The following TIMMDC1 variants were observed in gnomAD, a reference collection of about 807,000 sequenced individuals.
TIMMDC1 encodes translocase of inner mitochondrial membrane domain containing 1.
Under a neutral mutation model 32.6 loss-of-function variants are expected in TIMMDC1, and 25 were observed. The ratio of observed to expected loss-of-function variants is 0.77; its 90% CI spans 0.56 to 1.07. The LOEUF is 1.07. Ranked by LOEUF, TIMMDC1 falls within the 50% of genes least tolerant of loss-of-function variation. The probability of loss-of-function intolerance (pLI) is 0.00; values close to 1 mark genes in which losing one functional copy is unlikely to be tolerated. For synonymous variants in TIMMDC1, 130 were observed against 127.6 expected (o/e 1.02, Z -0.13); for missense variants, 329 against 349.2 (o/e 0.94, Z 0.46).
rs1486959202 is a variant in TIMMDC1, at chr3:119,516,290, T to A, written c.597-915T>A. Among the ~76,000 whole-genome samples, 5 of 95,490 alleles carry A rather than the reference T, an allele frequency of 5.2e-5. No individual in the cohort carries two copies. In the Admixed American group the frequency reaches 5.6e-4, roughly 11 times the overall value. 62.6% of individuals were successfully genotyped at this position (95,490 alleles called of 152,430 possible). A position where few individuals can be genotyped will look rare whatever the true frequency, so the allele number is the denominator to read the frequency against. On this transcript the variant is annotated intron_variant, in intron 5 of 6. Coordinates refer to ENST00000494664, the MANE Select transcript of TIMMDC1 (RefSeq NM_016589.4). ...GCCCTCAGCAAATATATTTCTACTT[T>A]CTGTTTCTAAGATTTTGACTACTTT...
chr3:119,524,880 T>C lies in TIMMDC1; in HGVS notation c.*1124T>C, dbSNP rs1454667737. ...GAGGCCCTATGGAAAGTTACTACCT[T>C]AGACATTTGAAGATAGCTTACTGCT... is the stretch of plus-strand genomic sequence containing the variant. On this transcript the variant is annotated 3_prime_UTR_variant, in exon 7 of 7. Transcript: ENST00000494664. 21 of 152,208 alleles carry C rather than the reference T, an allele frequency of 1.4e-4. No individual in the cohort carries two copies. Among genetic ancestry groups the C allele is most frequent in the Admixed American group, 1.4e-3 (21 of 15,276 alleles). The allele number at this position is 152,208 out of a possible 1,614,324, so 9.4% of individuals were successfully genotyped here.
At chr3:119,505,892 AAC>A (rs2081915855) in intron 4 of TIMMDC1, among the ~76,000 whole-genome samples, 4 of 152,294 alleles carry the variant, frequency 2.6e-5, no homozygotes, top group Admixed American at 1.3e-4. Context: ...CACATGGGAA[AAC>A]ACACAATTTG....
rs778072805 is a variant in TIMMDC1 at position 119,498,776 on chromosome 3, GC to G, written c.44del (p.Ala15AspfsTer14). Reference sequence around the variant, plus strand: ...GGCACCGCGGAGCTTTCTCTGTAGAGCATTGTGCCTATTTCCCCGAGTCTTT... The same window carrying G: ...GGCACCGCGGAGCTTTCTCTGTAGAGATTGTGCCTATTTCCCCGAGTCTTT... ...PPAPRSFLCRALCLFPRVFAA... is the reference protein window; with the variant it reads ...PPAPRSFLCRXLCLFPRVFAA... On this transcript the variant is annotated frameshift_variant, in exon 1 of 7. Transcript: ENST00000494664. LOFTEE classifies it high-confidence loss of function. The G allele has an allele frequency of 6.2e-7, 1 of 1,614,236 alleles. No individual in the cohort carries two copies. Among genetic ancestry groups the G allele is most frequent in the Non-Finnish European group, 8.5e-7 (1 of 1,180,036 alleles).
intron 4 of TIMMDC1, among the ~76,000 whole-genome samples, chr3:119,509,411 A>G (rs2081938855): frequency 6.6e-6 from 1 of 152,212 alleles, no homozygotes; most frequent in Admixed American, 6.5e-5. Context: ...TCACTTGAAT[A>G]TTTTCATCAG....
intron 1 of TIMMDC1, among the ~76,000 whole-genome samples, chr3:119,500,027 C>T (rs1415243447): frequency 6.6e-6 from 1 of 152,194 alleles, no homozygotes; most frequent in African/African-American, 2.4e-5. Flanking sequence ...CCTCAGCCTC[C>T]TAAGTTAGCT....
intron 6 of TIMMDC1, among the ~76,000 whole-genome samples, chr3:119,521,059 AAGTT>A (rs1323371388): frequency 1.3e-5 from 2 of 152,172 alleles, no homozygotes; most frequent in Non-Finnish European, 2.9e-5. Flanking sequence ...ACCTCCCAAA[AAGTT>A]AGGGGTAGAA....
At chr3:119,521,046 A>G (rs1409919174) in intron 6 of TIMMDC1, among the ~76,000 whole-genome samples, 1 of 152,212 alleles carries the variant, frequency 6.6e-6, no homozygotes, top group Non-Finnish European at 1.5e-5. Flanking sequence ...CCTTCATGGT[A>G]ACACCTCCCA....
At chr3:119,499,853 G>A (rs1239693624) in intron 1 of TIMMDC1, among the ~76,000 whole-genome samples, 4 of 152,204 alleles carry the variant, frequency 2.6e-5, no homozygotes, top group Admixed American at 2.0e-4. Context: ...GTAACAAATC[G>A]AATTAAATAG....
At position 119,524,546 on chromosome 3, in the gene TIMMDC1, A is replaced by G. The variant is rs2082052964; in HGVS notation, c.*790A>G. ...AGGAGCAAGGTTTGTGAAGCAGCAT[A>G]GTGAGGTAGCTAAAGCCATGGGCTG... On this transcript the variant is annotated 3_prime_UTR_variant, in exon 7 of 7. Transcript: ENST00000494664. 6.6e-6 allele frequency: 1 copy of G among 152,268 alleles called. No individual in the cohort carries two copies. Among genetic ancestry groups the G allele is most frequent in the South Asian group, 2.1e-4 (1 of 4,832 alleles). 9.4% of individuals were successfully genotyped at this position (152,268 alleles called of 1,614,324 possible).
At position 119,524,685 on chromosome 3, in the gene TIMMDC1, A is replaced by G. The variant is rs1215396375; in HGVS notation, c.*929A>G. Reference sequence around the variant, plus strand: ...CAGATTTTCAGATGATAATGTGATTATCCCAGCTTAAGTTGCGTCCACTTC... The same window carrying G: ...CAGATTTTCAGATGATAATGTGATTGTCCCAGCTTAAGTTGCGTCCACTTC... On this transcript the variant is annotated 3_prime_UTR_variant, in exon 7 of 7. Coordinates refer to ENST00000494664, the MANE Select transcript of TIMMDC1 (RefSeq NM_016589.4). 1 of 152,256 alleles carries G rather than the reference A, an allele frequency of 6.6e-6. No homozygotes were observed. The highest frequency in any genetic ancestry group is 1.5e-5 in the Non-Finnish European group (1 of 68,048). 9.4% of individuals were successfully genotyped at this position (152,256 alleles called of 1,614,324 possible). A position where few individuals can be genotyped will look rare whatever the true frequency, so the allele number is the denominator to read the frequency against.
chr3:119,500,591 A>G lies in TIMMDC1; in HGVS notation c.195-104A>G, dbSNP rs150783970. On this transcript the variant is annotated intron_variant, in intron 1 of 6. Coordinates refer to ENST00000494664, the MANE Select transcript of TIMMDC1 (RefSeq NM_016589.4). ...ATCTGAGAATTCTACCTATGATGAAAAATGTTGTGGTGGTAGCATTTGGGT... is the reference window on the plus strand; with the variant it reads ...ATCTGAGAATTCTACCTATGATGAAGAATGTTGTGGTGGTAGCATTTGGGT... 6.7e-4 allele frequency: 675 copies of G among 1,005,188 alleles called. 2 individuals carry two copies. In the African/African-American group the frequency reaches 7.8e-3, roughly 12 times the overall value. The allele number at this position is 1,005,188 out of a possible 1,614,324, so 62.3% of individuals were successfully genotyped here.
At chr3:119,509,945 A>G (rs2081942795) in intron 4 of TIMMDC1, among the ~76,000 whole-genome samples, 1 of 152,058 alleles carries the variant, frequency 6.6e-6, no homozygotes, top group African/African-American at 2.4e-5. Flanking sequence ...CGGCCTCCCA[A>G]AGTGCTGGGA....
chr3:119,512,857 C>A (rs2081963567), intron 4 of TIMMDC1, among the ~76,000 whole-genome samples: 1 of 152,172 alleles, frequency 6.6e-6, no homozygotes, highest in African/African-American at 2.4e-5. Context: ...TCTTGTGCCT[C>A]CGCCTCCTGA....
intron 1 of TIMMDC1, among the ~76,000 whole-genome samples, chr3:119,499,789 AG>A (rs1009270469): frequency 5.9e-5 from 9 of 152,378 alleles, no homozygotes; most frequent in African/African-American, 2.2e-4. Flanking sequence ...GAGCAGTCTC[AG>A]GATGACATCT....
rs543354984 is a variant in TIMMDC1, at chr3:119,498,706, A to C, written c.-28A>C. On this transcript the variant is annotated 5_prime_UTR_variant, in exon 1 of 7. Transcript: ENST00000494664. ...CGAGGACTTGAAGTCCTGAGCGCTC[A>C]AGTTTGTCCGTAGGTCGAGAGAAGG... 5 of 1,611,022 alleles carry C rather than the reference A, an allele frequency of 3.1e-6. No homozygotes were observed. In the Admixed American group the frequency reaches 8.4e-5, roughly 27 times the overall value.
chr3:119,515,010 T>C (rs544374642), intron 5 of TIMMDC1, among the ~76,000 whole-genome samples: 2 of 152,054 alleles, frequency 1.3e-5, no homozygotes, highest in East Asian at 3.9e-4. Context: ...GCCAACATGG[T>C]GAAATGCTGT....
chr3:119,517,705 T>C (rs7610049), intron 6 of TIMMDC1, among the ~76,000 whole-genome samples: 144,794 of 152,286 alleles, frequency 0.95, 68,880 homozygotes, highest in East Asian at 1. Context: ...GGGTGGCTCA[T>C]GCCTGTAATC....
intron 6 of TIMMDC1, among the ~76,000 whole-genome samples, chr3:119,518,260 G>T (rs11925305): frequency 0.15 from 22,842 of 152,094 alleles, 4,486 homozygotes; most frequent in African/African-American, 0.46. Context: ...GAGTACAAAT[G>T]ATTTTCACTA....
chr3:119,506,707 T>C (rs571910003), intron 4 of TIMMDC1, among the ~76,000 whole-genome samples: 1 of 152,354 alleles, frequency 6.6e-6, no homozygotes, highest in South Asian at 2.1e-4. Flanking sequence ...TAGTTACATT[T>C]TTGAAATATG....
Sources: allele counts gnomAD v4.1 joint callset (sites outside exome capture counted in the v4.1 genomes callset), GRCh38; gene constraint gnomAD v4.1.1; transcripts MANE v1.5; gene names NCBI Gene and HGNC (gene_info 2026-07-23, HGNC 2026-07-21).